Variants in LAMA2 observed in about 807,000 individuals in gnomAD.
The protein encoded by LAMA2 is laminin subunit alpha 2.
LAMA2 carries 269 observed loss-of-function variants against 364.8 expected under a neutral mutation model. The observed-to-expected ratio is 0.74, with a 90% CI of 0.67 to 0.82. The LOEUF (loss-of-function observed/expected upper bound fraction) is 0.82. LAMA2 is among the 40% of genes least tolerant of loss of function. The pLI is 0.00. For synonymous variants in LAMA2, 1,379 were observed against 1,370.6 expected (o/e 1.01, Z -0.14); for missense variants, 3,807 against 3,873.2 (o/e 0.98, Z 0.45).
Position 128,924,641 on chromosome 6 carries a change from A to G in LAMA2, c.112+41284A>G, listed in dbSNP as rs140822762. Among the ~76,000 whole-genome samples the G allele has an allele frequency of 4.4e-3, 677 of 152,312 alleles. 6 individuals are homozygous for G. The highest frequency in any genetic ancestry group is 0.015 in the African/African-American group (631 of 41,562). On this transcript the variant is annotated intron_variant, in intron 1 of 64. Transcript: ENST00000421865. ...TTATACTCCCCTCTTAGATATTAAT[A>G]AAAGCTCAATGTACAGGTAGCTAGG...
intron 2 of LAMA2, among the ~76,000 whole-genome samples, chr6:129,057,493 GTTA>G (rs902689386): frequency 2.0e-5 from 3 of 152,150 alleles, no homozygotes; most frequent in Non-Finnish European, 4.4e-5. Context: ...TATATTGGAG[GTTA>G]TTATTACTTG....
chr6:128,910,035 G>C (rs1777789937), intron 1 of LAMA2, among the ~76,000 whole-genome samples: 1 of 151,840 alleles, frequency 6.6e-6, no homozygotes, highest in African/African-American at 2.4e-5. Context: ...TCCCTTCCAG[G>C]GTAACCCGTG....
intron 12 of LAMA2, among the ~76,000 whole-genome samples, chr6:129,211,910 G>A (rs1052045967): frequency 6.6e-6 from 1 of 152,142 alleles, no homozygotes; most frequent in Non-Finnish European, 1.5e-5. Flanking sequence ...TTGCTTTGGA[G>A]ACCTTAGGAA....
chr6:129,148,761 C>A (rs1010511680), intron 6 of LAMA2, among the ~76,000 whole-genome samples: 1 of 152,062 alleles, frequency 6.6e-6, no homozygotes, highest in African/African-American at 2.4e-5. Context: ...TGAGCCTAAA[C>A]CCAGTGATTA....
chr6:128,984,882 T>C (rs1783120725), intron 1 of LAMA2, among the ~76,000 whole-genome samples: 1 of 152,308 alleles, frequency 6.6e-6, no homozygotes, highest in South Asian at 2.1e-4. Context: ...CTGCGTTGAA[T>C]CTGGATAGGA....
chr6:129,200,168 G>A lies in LAMA2; in HGVS notation c.1782+7315G>A, dbSNP rs532018221. Among the ~76,000 whole-genome samples, 12 of 134,026 alleles carry A rather than the reference G, an allele frequency of 9.0e-5. 1 individual carries two copies. Among genetic ancestry groups the A allele is most frequent in the Admixed American group, 2.3e-4 (3 of 13,280 alleles). The allele number at this position is 134,026 out of a possible 152,430, so 87.9% of individuals were successfully genotyped here. A position where few individuals can be genotyped will look rare whatever the true frequency, so the allele number is the denominator to read the frequency against. Reference sequence around the variant, plus strand: ...CATATACACGTGTATATATATATACGTGTACACATATACATGTGTATATAT... The same window carrying A: ...CATATACACGTGTATATATATATACATGTACACATATACATGTGTATATAT... On this transcript the variant is annotated intron_variant, in intron 12 of 64. Coordinates refer to ENST00000421865, the MANE Select transcript of LAMA2 (RefSeq NM_000426.4).
intron 45 of LAMA2, among the ~76,000 whole-genome samples, chr6:129,451,536 C>T (rs1782675908): frequency 6.6e-6 from 1 of 152,218 alleles, no homozygotes; most frequent in Non-Finnish European, 1.5e-5. Flanking sequence ...GCCCCTGTTT[C>T]TCTCCAGAAC....
chr6:129,122,572 T>A (rs1189749038), intron 4 of LAMA2, among the ~76,000 whole-genome samples: 1 of 152,214 alleles, frequency 6.6e-6, no homozygotes, highest in Non-Finnish European at 1.5e-5. Flanking sequence ...TCTGATTTTT[T>A]TCCTAAGGGT....
chr6:129,242,856 C>T (rs1785486263), intron 12 of LAMA2, among the ~76,000 whole-genome samples: 1 of 152,038 alleles, frequency 6.6e-6, no homozygotes, highest in South Asian at 2.1e-4. Flanking sequence ...CATAAAGTAA[C>T]AAGTAGTACG....
At position 129,452,595 on chromosome 6, in the gene LAMA2, G is replaced by A. The variant is rs372513382; in HGVS notation, c.6430-393G>A. Among the ~76,000 whole-genome samples the A allele has an allele frequency of 1.1e-4, 17 of 152,064 alleles. 1 individual carries two copies. The highest frequency in any genetic ancestry group is 6.6e-4 in the Admixed American group (10 of 15,262). On this transcript the variant is annotated intron_variant, in intron 45 of 64. Transcript: ENST00000421865. Reference sequence around the variant, plus strand: ...TCTTAGTTTAAGTGATACCAAAACCGCTGAAATTTCAATTGTAAAATTTCA... The same window carrying A: ...TCTTAGTTTAAGTGATACCAAAACCACTGAAATTTCAATTGTAAAATTTCA...
chr6:128,988,129 G>A (rs570835610), intron 1 of LAMA2, among the ~76,000 whole-genome samples: 1 of 152,170 alleles, frequency 6.6e-6, no homozygotes, highest in Non-Finnish European at 1.5e-5. Context: ...GCCTCCCAAA[G>A]TGCTGGGATT....
chr6:129,180,832 T>C (rs993610325), intron 10 of LAMA2, among the ~76,000 whole-genome samples: 1 of 151,930 alleles, frequency 6.6e-6, no homozygotes, highest in African/African-American at 2.4e-5. Flanking sequence ...GCAACTGGGG[T>C]CATGGGGTGG....
chr6:129,340,389 G>T (rs973935903), intron 29 of LAMA2, among the ~76,000 whole-genome samples: 2 of 152,054 alleles, frequency 1.3e-5, no homozygotes, highest in African/African-American at 4.8e-5. Flanking sequence ...GAGAAAATGG[G>T]GAGGCAGGAG....
intron 1 of LAMA2, among the ~76,000 whole-genome samples, chr6:128,949,740 T>C (rs988193807): frequency 3.9e-5 from 6 of 152,176 alleles, no homozygotes; most frequent in African/African-American, 1.2e-4. Flanking sequence ...ATTTCACAAG[T>C]CTTTTGTAAC....
chr6:129,162,223 C>T (rs751658213), intron 8 of LAMA2, among the ~76,000 whole-genome samples: 1 of 152,102 alleles, frequency 6.6e-6, no homozygotes, highest in African/African-American at 2.4e-5. Flanking sequence ...ATTTTAAGCT[C>T]ATGATATAGT....
intron 1 of LAMA2, among the ~76,000 whole-genome samples, chr6:129,049,447 T>C (rs1001554694): frequency 6.6e-6 from 1 of 152,142 alleles, no homozygotes; most frequent in African/African-American, 2.4e-5. Flanking sequence ...AAAGAAGTTT[T>C]AATAATTATT....
At chr6:129,348,481 G>A (rs1405318505) in intron 30 of LAMA2, among the ~76,000 whole-genome samples, 1 of 151,914 alleles carries the variant, frequency 6.6e-6, no homozygotes, top group Non-Finnish European at 1.5e-5. Flanking sequence ...TAACGGGAAT[G>A]CAGCTGAGAG....
chr6:129,470,330 A>G (rs1248379121), intron 51 of LAMA2, among the ~76,000 whole-genome samples: 2 of 151,876 alleles, frequency 1.3e-5, no homozygotes. Context: ...ACGCAAGGAA[A>G]ATATAGATGA....
chr6:129,253,841 G>A (rs963889802), intron 14 of LAMA2, among the ~76,000 whole-genome samples: 3 of 152,180 alleles, frequency 2.0e-5, no homozygotes, highest in African/African-American at 7.2e-5. Context: ...CGCCATACAG[G>A]AGGAATGCAT....
Sources: gnomAD v4.1 joint callset for allele counts (sites outside exome capture counted in the v4.1 genomes callset) on GRCh38, gnomAD v4.1.1 for gene constraint, MANE v1.5 for transcripts, NCBI Gene and HGNC (gene_info 2026-07-23, HGNC 2026-07-21) for gene names.